The following ACTR3C variants were observed in gnomAD, a reference collection of about 807,000 sequenced individuals.
ACTR3C encodes actin related protein 3C.
Under a neutral mutation model 26.3 loss-of-function variants are expected in ACTR3C, and 18 were observed. The observed-to-expected ratio is 0.68, with a 90% confidence interval of 0.47 to 1.01. The LOEUF (loss-of-function observed/expected upper bound fraction) is 1.01, where lower values mean the gene tolerates loss of function less well. Ranked by LOEUF, ACTR3C falls within the 50% of genes least tolerant of loss-of-function variation. ACTR3C has a pLI of 0.00. For synonymous variants in ACTR3C, 55 were observed against 94.5 expected, an observed-to-expected ratio of 0.58 and a Z score of 2.42; for missense variants, 184 against 250.7, an observed-to-expected ratio of 0.73 and a Z score of 1.80.
the ACTR3C span, among the ~76,000 whole-genome samples, chr7:149,886,316 T>C: frequency 6.6e-6 from 1 of 152,244 alleles, no homozygotes; most frequent in South Asian, 2.1e-4. Flanking sequence ...TGCTTATGTA[T>C]CTGCATTTTT....
chr7:150,164,679 A>T, the ACTR3C span, among the ~76,000 whole-genome samples: 1 of 152,042 alleles, frequency 6.6e-6, no homozygotes, highest in Non-Finnish European at 1.5e-5. Flanking sequence ...GGGTAATCAG[A>T]TGTCATACTT....
chr7:150,106,686 C>T, the ACTR3C span, among the ~76,000 whole-genome samples: 2,731 of 104,648 alleles, frequency 0.026, 134 homozygotes, highest in African/African-American at 0.066. Flanking sequence ...AGCTTATTGA[C>T]CCAATAGCTT....
intron 1 of ACTR3C, among the ~76,000 whole-genome samples, chr7:150,299,474 AAAAAAAAAAAAAAAAAAAAAC>A (rs1795231796): frequency 1.4e-5 from 2 of 143,646 alleles, no homozygotes; most frequent in South Asian, 2.2e-4. Context: ...CAAAAAAAAA[AAAAAAAAAAAAAAAAAAAAAC>A]AAAAAACAGG....
the ACTR3C span, among the ~76,000 whole-genome samples, chr7:150,053,910 A>C: frequency 6.6e-6 from 1 of 152,186 alleles, no homozygotes; most frequent in African/African-American, 2.4e-5. Flanking sequence ...AACTTAATTC[A>C]CCCCCGAAAG....
chr7:150,130,473 G>T, the ACTR3C span, among the ~76,000 whole-genome samples: 1 of 152,132 alleles, frequency 6.6e-6, no homozygotes, highest in African/African-American at 2.4e-5. Flanking sequence ...TAATAGGAAG[G>T]CAATGTCCAA....
At chr7:150,262,397 T>C (rs1833710247) in intron 6 of ACTR3C, among the ~76,000 whole-genome samples, 1 of 152,306 alleles carries the variant, frequency 6.6e-6, no homozygotes, top group Non-Finnish European at 1.5e-5. Flanking sequence ...ATGTTGAAAA[T>C]AGAAATGTCT....
chr7:150,013,408 G>A, the ACTR3C span, among the ~76,000 whole-genome samples: 8 of 152,340 alleles, frequency 5.3e-5, no homozygotes, highest in Middle Eastern at 3.4e-3. Flanking sequence ...TGAACCTCAC[G>A]ATTCATAAGG....
the ACTR3C span, among the ~76,000 whole-genome samples, chr7:149,954,661 C>T: frequency 6.6e-6 from 1 of 152,186 alleles, no homozygotes; most frequent in African/African-American, 2.4e-5. Flanking sequence ...CTTATATTCT[C>T]GCATTTAAAT....
the ACTR3C span, among the ~76,000 whole-genome samples, chr7:150,033,567 G>T: frequency 6.6e-6 from 1 of 152,152 alleles, no homozygotes. Context: ...GGGTGGAAGA[G>T]GGGCTGGCTC....
chr7:150,001,118 C>T, the ACTR3C span: 1 of 152,178 alleles, frequency 6.6e-6, no homozygotes, highest in Non-Finnish European at 1.5e-5. Context: ...CCGGAAAAGA[C>T]CTTGTGAAGA....
At chr7:150,030,888 T>A in the ACTR3C span, among the ~76,000 whole-genome samples, 3 of 152,136 alleles carry the variant, frequency 2.0e-5, no homozygotes, top group African/African-American at 4.8e-5. Flanking sequence ...CGTGTTAACC[T>A]GGCTCCAGGG....
At chr7:149,948,963 T>C in the ACTR3C span, among the ~76,000 whole-genome samples, 1 of 151,060 alleles carries the variant, frequency 6.6e-6, no homozygotes, top group African/African-American at 2.5e-5. Flanking sequence ...AAAGCACTGC[T>C]TTTGTTTCCT....
chr7:150,015,665 G>A, the ACTR3C span, among the ~76,000 whole-genome samples: 3 of 152,208 alleles, frequency 2.0e-5, no homozygotes, highest in Middle Eastern at 3.4e-3. Context: ...CGCTCTTGAC[G>A]TCCCTTGATT....
the ACTR3C span, among the ~76,000 whole-genome samples, chr7:150,181,945 T>C: frequency 6.6e-6 from 1 of 150,548 alleles, no homozygotes; most frequent in Non-Finnish European, 1.5e-5. Context: ...CCTGCACTCA[T>C]GGAGCTTACA....
intron 1 of ACTR3C, among the ~76,000 whole-genome samples, chr7:150,302,127 C>T (rs1795475594): frequency 6.6e-6 from 1 of 152,112 alleles, no homozygotes; most frequent in African/African-American, 2.4e-5. Context: ...AGGGCATGAA[C>T]AGACAGCTCG....
chr7:150,107,393 C>A, the ACTR3C span, among the ~76,000 whole-genome samples: 2 of 151,888 alleles, frequency 1.3e-5, no homozygotes, highest in African/African-American at 4.8e-5. Flanking sequence ...AAGATGGGAT[C>A]AATCTTGGTG....
the ACTR3C span, among the ~76,000 whole-genome samples, chr7:149,976,725 A>G: frequency 6.6e-6 from 1 of 152,036 alleles, no homozygotes; most frequent in Non-Finnish European, 1.5e-5. Flanking sequence ...ACCACAGGTA[A>G]TGTGTCAGTC....
the ACTR3C span, among the ~76,000 whole-genome samples, chr7:149,918,536 C>T: frequency 6.6e-6 from 1 of 152,154 alleles, no homozygotes; most frequent in Non-Finnish European, 1.5e-5. Context: ...ACTAAAAATA[C>T]AAAACTAGTC....
the ACTR3C span, among the ~76,000 whole-genome samples, chr7:149,987,615 T>A: frequency 7.2e-6 from 1 of 138,414 alleles, no homozygotes; most frequent in African/African-American, 2.5e-5. Flanking sequence ...AACAGCATAC[T>A]AGAGTATAAT....
Sources: gnomAD v4.1 joint callset for allele counts (sites outside exome capture counted in the v4.1 genomes callset) on GRCh38, gnomAD v4.1.1 for gene constraint, MANE v1.5 for transcripts, NCBI Gene and HGNC (gene_info 2026-07-23, HGNC 2026-07-21) for gene names.